The following ADCY3 variants were observed in gnomAD, a reference collection of about 807,000 sequenced individuals.
ADCY3 encodes the protein adenylate cyclase type 3.
A neutral mutation model predicts 119.4 loss-of-function variants in ADCY3; 70 were observed. The observed-to-expected ratio is 0.59, with a 90% confidence interval of 0.48 to 0.72. The LOEUF is 0.72. ADCY3 is among the 30% of genes least tolerant of loss of function. The pLI is 0.00. For missense variants in ADCY3, 1,238 were observed against 1,541.6 expected, an observed-to-expected ratio of 0.80 and a Z score of 3.30; for synonymous variants, 672 against 621.4, an observed-to-expected ratio of 1.08 and a Z score of -1.21.
Position 24,829,724 on chromosome 2 carries a change from G to A in ADCY3, c.2172+985C>T, listed in dbSNP as rs535794009. On this transcript the variant is annotated intron_variant, in intron 13 of 21. Transcript: ENST00000679454. ...GGCGTGAGCCACTGCGCCCGGCACC[G>A]TGTGCTCCAATTGTTAAAGTACAAC... Among the ~76,000 whole-genome samples, 193 of 145,070 alleles carry A rather than the reference G, an allele frequency of 1.3e-3. 6 individuals are homozygous for A. The highest frequency in any genetic ancestry group is 4.5e-3 in the African/African-American group (175 of 39,116).
chr2:24,914,065 C>A (rs72794119), intron 2 of ADCY3, among the ~76,000 whole-genome samples: 5,156 of 152,174 alleles, frequency 0.034, 120 homozygotes, highest in Non-Finnish European at 0.053. Context: ...TTCCTCCTCA[C>A]CCAGCCCAGG....
intron 2 of ADCY3, among the ~76,000 whole-genome samples, chr2:24,881,369 C>T (rs150121876): frequency 1.2e-4 from 19 of 152,270 alleles, no homozygotes; most frequent in African/African-American, 4.6e-4. Context: ...CAGCTGGCAC[C>T]GACGTTAGGA....
intron 3 of ADCY3, among the ~76,000 whole-genome samples, chr2:24,843,585 G>T (rs886601704): frequency 6.6e-6 from 1 of 152,238 alleles, no homozygotes; most frequent in Non-Finnish European, 1.5e-5. Flanking sequence ...GACAGAGACC[G>T]TATGGCCCAC....
chr2:24,915,491 C>G (rs1379289910), intron 2 of ADCY3, among the ~76,000 whole-genome samples: 1 of 152,122 alleles, frequency 6.6e-6, no homozygotes, highest in Non-Finnish European at 1.5e-5. Flanking sequence ...AGACCGCTGT[C>G]CCGGGTGTCC....
At chr2:24,821,059 T>A (rs1474398217) in intron 20 of ADCY3, 2 of 604,466 alleles carry the variant, frequency 3.3e-6, no homozygotes, top group Non-Finnish European at 5.5e-6. Context: ...CCCCCCCCCA[T>A]ATGCAGATTT....
chr2:24,827,744 G>T, intron 14 of ADCY3, 136 bp from the exon 15 acceptor site: 1 of 1,414,364 alleles, frequency 7.1e-7, no homozygotes, highest in Non-Finnish European at 9.8e-7. Context: ...GCCAAACAGT[G>T]ATACGTCTGT....
At chr2:24,905,908 G>A (rs1026885983) in intron 2 of ADCY3, among the ~76,000 whole-genome samples, 3 of 152,184 alleles carry the variant, frequency 2.0e-5, no homozygotes, top group Admixed American at 6.5e-5. Flanking sequence ...TGACTGTGAC[G>A]CCAGTGCTTT....
chr2:24,887,509 C>A (rs1034007650), intron 2 of ADCY3, among the ~76,000 whole-genome samples: 9 of 152,128 alleles, frequency 5.9e-5, no homozygotes, highest in African/African-American at 2.2e-4. Flanking sequence ...GAAAACCAGG[C>A]CAAGTCCCGA....
chr2:24,878,555 G>T lies in ADCY3; in HGVS notation c.676-5836C>A, dbSNP rs149807300. 8.8e-3 allele frequency among the ~76,000 whole-genome samples: 1,346 copies of T among 152,224 alleles called. 15 individuals are homozygous for T. Among genetic ancestry groups the T allele is most frequent in the African/African-American group, 0.02 (847 of 41,530 alleles). On this transcript the variant is annotated intron_variant, in intron 2 of 21. Transcript: ENST00000679454. This position sits in a 1 kb window ranked among gnomAD's most constrained non-coding sequence, Gnocchi z 4.0. ...CCCACAGAGACCTATGACGTTCTGCGGCTGGAGGCCAGCCGCACGGGAAAC... is the reference window on the plus strand; with the variant it reads ...CCCACAGAGACCTATGACGTTCTGCTGCTGGAGGCCAGCCGCACGGGAAAC...
In ADCY3 at chr2:24,833,453, C is replaced by T. The variant is rs542836327; in HGVS notation, c.1967+1032G>A. Among the ~76,000 whole-genome samples, 3 of 152,364 alleles carry T rather than the reference C, an allele frequency of 2.0e-5. No homozygotes were observed. The South Asian group carries it at 6.2e-4, about 32-fold the overall frequency. The stretch of plus-strand genomic sequence containing the variant: ...TGAAATATTATCCTGCCAGCAAGTC[C>T]TGCTCTGACCATCCCACATCAAAAT... On this transcript the variant is annotated intron_variant, in intron 11 of 21. Transcript: ENST00000679454.
chr2:24,877,487 G>A (rs1405970649), intron 2 of ADCY3, among the ~76,000 whole-genome samples: 6 of 152,194 alleles, frequency 3.9e-5, no homozygotes, highest in East Asian at 3.8e-4. Flanking sequence ...TGAGGACAGC[G>A]GACAGGGTAC....
chr2:24,848,936 C>A (rs1393431911), intron 3 of ADCY3, among the ~76,000 whole-genome samples: 1 of 152,206 alleles, frequency 6.6e-6, no homozygotes, highest in Non-Finnish European at 1.5e-5. Context: ...AGGAAGGGCC[C>A]TGCCTTCCAT....
intron 6 of ADCY3, chr2:24,840,534 G>A (rs1301606929): frequency 2.1e-6 from 1 of 468,376 alleles, no homozygotes. Flanking sequence ...CCTGGAAGAT[G>A]GTAAAAATGC....
intron 2 of ADCY3, among the ~76,000 whole-genome samples, chr2:24,916,135 T>C (rs1573078310): frequency 6.6e-6 from 1 of 152,278 alleles, no homozygotes; most frequent in East Asian, 1.9e-4. Flanking sequence ...ATTTTTATTC[T>C]TGATTTCTAT....
chr2:24,848,004 T>C (rs1472331819), intron 3 of ADCY3, among the ~76,000 whole-genome samples: 1 of 152,212 alleles, frequency 6.6e-6, no homozygotes, highest in African/African-American at 2.4e-5. Flanking sequence ...GTCAGGATCA[T>C]GAGTGCTGGC....
At chr2:24,858,165 A>AT (rs113840547) in intron 3 of ADCY3, among the ~76,000 whole-genome samples, 5 of 149,102 alleles carry the variant, frequency 3.4e-5, no homozygotes, top group African/African-American at 7.7e-5. Flanking sequence ...CCATGCCTGG[A>AT]TTTTTTTTAA....
At chr2:24,855,459 G>C (rs968363609) in intron 3 of ADCY3, among the ~76,000 whole-genome samples, 1 of 152,210 alleles carries the variant, frequency 6.6e-6, no homozygotes, top group African/African-American at 2.4e-5. Flanking sequence ...TGGAAGGCTG[G>C]ACCGGAGGAG....
At chr2:24,905,292 C>T (rs959130876) in intron 2 of ADCY3, among the ~76,000 whole-genome samples, 39 of 152,062 alleles carry the variant, frequency 2.6e-4, no homozygotes, top group Admixed American at 4.6e-4. Flanking sequence ...CACCACCACA[C>T]CCGGCTGATT....
intron 3 of ADCY3, among the ~76,000 whole-genome samples, chr2:24,862,201 G>A (rs531549094): frequency 7.2e-5 from 11 of 152,228 alleles, no homozygotes; most frequent in East Asian, 5.8e-4. Context: ...TTGTCCTCAC[G>A]TGCAAGGCCT....
Sources: allele counts gnomAD v4.1 joint callset (sites outside exome capture counted in the v4.1 genomes callset), GRCh38; gene constraint gnomAD v4.1.1; non-coding constraint Gnocchi (gnomAD v3.1); transcripts MANE v1.5; gene names NCBI Gene and HGNC (gene_info 2026-07-23, HGNC 2026-07-21).